Variants in NRG3 observed in about 807,000 individuals in gnomAD.
The protein encoded by NRG3 is pro-neuregulin-3, membrane-bound isoform.
Under a neutral mutation model 66.9 loss-of-function variants are expected in NRG3, and 31 were observed. That is an observed-to-expected ratio of 0.46 (90% CI 0.35 to 0.63). The LOEUF is 0.63. NRG3 is among the 20% of genes least tolerant of loss of function. The pLI, the probability that NRG3 is intolerant of heterozygous loss-of-function variation, is 0.00. For missense variants in NRG3, 910 were observed against 878.9 expected, an observed-to-expected ratio of 1.04 and a Z score of -0.45; for synonymous variants, 393 against 359.4, an observed-to-expected ratio of 1.09 and a Z score of -1.06.
chr10:82,079,208 C>T (rs996915480), intron 1 of NRG3, among the ~76,000 whole-genome samples: 1 of 151,904 alleles, frequency 6.6e-6, no homozygotes. Flanking sequence ...CAACGCCCAG[C>T]TAATTTTTCT....
At chr10:82,341,274 G>A (rs1057305914) in intron 1 of NRG3, among the ~76,000 whole-genome samples, 6 of 152,068 alleles carry the variant, frequency 3.9e-5, no homozygotes, top group Non-Finnish European at 7.4e-5. Context: ...GGAGAAGCTT[G>A]CATATGTGTA....
chr10:81,894,564 C>T (rs1307350793), intron 1 of NRG3, among the ~76,000 whole-genome samples: 1 of 152,012 alleles, frequency 6.6e-6, no homozygotes, highest in Non-Finnish European at 1.5e-5. Context: ...AGTTTACGGC[C>T]TCGACATATG....
intron 1 of NRG3, among the ~76,000 whole-genome samples, chr10:82,132,726 T>G (rs1467322621): frequency 1.3e-5 from 2 of 151,302 alleles, no homozygotes; most frequent in African/African-American, 2.4e-5. Context: ...GCTGCGATAC[T>G]TTTTATTACA....
At chr10:82,119,534 G>A (rs777902894) in intron 1 of NRG3, among the ~76,000 whole-genome samples, 6 of 152,132 alleles carry the variant, frequency 3.9e-5, no homozygotes, top group South Asian at 2.1e-4. Context: ...TAGCCAGAAA[G>A]TGTTAAAGTG....
At chr10:82,543,708 A>G (rs1435973327) in intron 2 of NRG3, among the ~76,000 whole-genome samples, 1 of 152,178 alleles carries the variant, frequency 6.6e-6, no homozygotes, top group Non-Finnish European at 1.5e-5. Context: ...TTGTATATGC[A>G]TTTTACAGAG....
intron 1 of NRG3, among the ~76,000 whole-genome samples, chr10:82,156,657 C>T (rs1205589836): frequency 1.3e-5 from 2 of 151,564 alleles, no homozygotes; most frequent in Non-Finnish European, 3.0e-5. Flanking sequence ...TGGAATTTAT[C>T]CTTCATCAGA....
intron 2 of NRG3, among the ~76,000 whole-genome samples, chr10:82,411,778 G>A (rs1375739327): frequency 6.6e-6 from 1 of 152,076 alleles, no homozygotes; most frequent in Non-Finnish European, 1.5e-5. Context: ...GTTTGGCCAA[G>A]TGCTCAGTTA....
At chr10:81,923,098 CAT>C (rs1016040338) in intron 1 of NRG3, among the ~76,000 whole-genome samples, 22 of 152,262 alleles carry the variant, frequency 1.4e-4, no homozygotes, top group African/African-American at 3.1e-4. Flanking sequence ...TATTCTTAAA[CAT>C]GTGTTTTTAT....
At chr10:82,027,753 A>G (rs929059691) in intron 1 of NRG3, among the ~76,000 whole-genome samples, 1 of 152,126 alleles carries the variant, frequency 6.6e-6, no homozygotes, top group South Asian at 2.1e-4. Flanking sequence ...AGGGGATTGC[A>G]GTCTCTCTTC....
At chr10:82,782,142 T>C (rs1293798573) in intron 3 of NRG3, among the ~76,000 whole-genome samples, 1 of 152,190 alleles carries the variant, frequency 6.6e-6, no homozygotes, top group Non-Finnish European at 1.5e-5. Flanking sequence ...CCAAAATTCA[T>C]GTGTTGGTAA....
chr10:82,915,965 T>A (rs1045415797), intron 4 of NRG3, among the ~76,000 whole-genome samples: 29 of 152,248 alleles, frequency 1.9e-4, no homozygotes, highest in African/African-American at 7.0e-4. Context: ...ATCTCCTGAA[T>A]AAGGCTCTTT....
rs531070081 is a variant in NRG3 at position 82,588,949 on chromosome 10, G to T, written c.954-149628G>T. Among the ~76,000 whole-genome samples, 57 of 152,276 alleles carry T rather than the reference G, an allele frequency of 3.7e-4. 1 individual carries two copies. In the South Asian group the frequency reaches 6.6e-3, roughly 18 times the overall value. On this transcript the variant is annotated intron_variant, in intron 2 of 8. Transcript: ENST00000372141. Reference sequence around the variant, plus strand: ...CCAGAGCCATTCCCTCATTCAGGCTGTCTCATATTTGGTTATATTAGCCTC... The same window carrying T: ...CCAGAGCCATTCCCTCATTCAGGCTTTCTCATATTTGGTTATATTAGCCTC...
At chr10:82,353,231 G>A (rs535619696) in intron 1 of NRG3, among the ~76,000 whole-genome samples, 3 of 152,152 alleles carry the variant, frequency 2.0e-5, no homozygotes, top group Admixed American at 1.3e-4. Flanking sequence ...TCCATCAAGA[G>A]GGGAAAGATA....
intron 3 of NRG3, among the ~76,000 whole-genome samples, chr10:82,820,509 C>T (rs372118298): frequency 1.4e-4 from 21 of 151,950 alleles, no homozygotes; most frequent in South Asian, 4.1e-4. Context: ...AGTCTGGGCC[C>T]GGAAATGATT....
At chr10:82,214,705 A>G (rs1343571555) in intron 1 of NRG3, among the ~76,000 whole-genome samples, 1 of 152,118 alleles carries the variant, frequency 6.6e-6, no homozygotes, top group Admixed American at 6.5e-5. Context: ...CCTGGCCACA[A>G]GTGATCCTCC....
chr10:82,190,418 A>T (rs551100003), intron 1 of NRG3, among the ~76,000 whole-genome samples: 2 of 152,208 alleles, frequency 1.3e-5, no homozygotes, highest in South Asian at 2.1e-4. Flanking sequence ...TAATTATTTT[A>T]TAAAATGTAT....
intron 2 of NRG3, among the ~76,000 whole-genome samples, chr10:82,653,477 A>G (rs371782362): frequency 8.5e-5 from 13 of 152,218 alleles, no homozygotes; most frequent in African/African-American, 1.9e-4. Context: ...GGGGCTGCAG[A>G]TTCTGCATTT....
At chr10:82,364,206 T>C (rs918429121) in intron 2 of NRG3, among the ~76,000 whole-genome samples, 5 of 152,222 alleles carry the variant, frequency 3.3e-5, no homozygotes, top group African/African-American at 7.2e-5. Flanking sequence ...ATTATTGAGC[T>C]GATAAGAGAA....
At chr10:82,055,258 C>G (rs951188145) in intron 1 of NRG3, among the ~76,000 whole-genome samples, 2 of 151,622 alleles carry the variant, frequency 1.3e-5, no homozygotes, top group Non-Finnish European at 2.9e-5. Context: ...GCGAGCAGAT[C>G]GAGGTCAGGA....
Sources: allele counts gnomAD v4.1 joint callset (sites outside exome capture counted in the v4.1 genomes callset), GRCh38; gene constraint gnomAD v4.1.1; transcripts MANE v1.5; gene names NCBI Gene and HGNC (gene_info 2026-07-23, HGNC 2026-07-21).